Variants in SENP6 observed in about 807,000 individuals in gnomAD.
SENP6 encodes SUMO specific peptidase 6, also known as sentrin-specific protease 6.
Under a neutral mutation model 134.5 loss-of-function variants are expected in SENP6, and 41 were observed. That is an observed-to-expected ratio of 0.30 (90% CI 0.24 to 0.40). The LOEUF is 0.40. Ranked by LOEUF, SENP6 falls within the 10% of genes least tolerant of loss-of-function variation. The pLI is 1.00. For synonymous variants in SENP6, 395 were observed against 429.8 expected (o/e 0.92, Z 1.00); for missense variants, 1,248 against 1,312.5 (o/e 0.95, Z 0.76).
chr6:75,698,586 C>G (rs1392294248), intron 18 of SENP6, among the ~76,000 whole-genome samples: 1 of 152,178 alleles, frequency 6.6e-6, no homozygotes, highest in African/African-American at 2.4e-5. Context: ...CCCCCAACCT[C>G]AGCCTCCCAA....
chr6:75,650,202 T>C (rs1375287344), intron 7 of SENP6, among the ~76,000 whole-genome samples: 6 of 152,200 alleles, frequency 3.9e-5, no homozygotes, highest in African/African-American at 1.4e-4. Context: ...GAAATGATGT[T>C]GTGGCATTCT....
At chr6:75,676,881 G>C (rs2149878649) in intron 13 of SENP6, 149 bp from the exon 14 acceptor site, 2 of 565,466 alleles carry the variant, frequency 3.5e-6, no homozygotes, top group East Asian at 2.9e-5. Context: ...AGTGATTGTT[G>C]TGTATCCACT....
At chr6:75,676,946 G>A in intron 13 of SENP6, 84 bp from the exon 14 acceptor site, 1 of 701,664 alleles carries the variant, frequency 1.4e-6, no homozygotes, top group South Asian at 2.1e-5. Context: ...TATCCTCCTG[G>A]AAAGAATTAA....
At position 75,621,514 on chromosome 6, in the gene SENP6, A is replaced by G. The variant is rs768115355; in HGVS notation, c.53-18A>G. The G allele has an allele frequency of 1.4e-6, 2 of 1,408,854 alleles. No individual in the cohort carries two copies. Among genetic ancestry groups the G allele is most frequent in the Admixed American group, 1.7e-5 (1 of 58,356 alleles). The allele number at this position is 1,408,854 out of a possible 1,614,324, so 87.3% of individuals were successfully genotyped here. A position where few individuals can be genotyped will look rare whatever the true frequency, so the allele number is the denominator to read the frequency against. The stretch of plus-strand genomic sequence containing the variant: ...AGCTCTATTAATGAATACTTACTGC[A>G]GTTTGTTTTTATTTCAGCTTTGGCT... On this transcript the variant is annotated intron_variant, in intron 1 of 23. Transcript: ENST00000447266.
At chr6:75,642,922 A>C (rs1006632311) in intron 6 of SENP6, among the ~76,000 whole-genome samples, 3 of 152,212 alleles carry the variant, frequency 2.0e-5, no homozygotes, top group Non-Finnish European at 4.4e-5. Context: ...AGACAGAGGT[A>C]AAACCAATCT....
intron 23 of SENP6, 111 bp downstream of exon 23, chr6:75,713,936 G>A: frequency 1.1e-6 from 1 of 875,050 alleles, no homozygotes; most frequent in Non-Finnish European, 1.7e-6. Context: ...CAAAATTATT[G>A]TTTCAAAAAT....
chr6:75,640,682 A>G lies in SENP6; in HGVS notation c.459-2A>G. ...TATTTTTTTTCTTTTTCATGTTTTA[A>G]GCAGTCTGGACCGAAAAGAAAGGTA... On this transcript the variant is annotated splice_acceptor_variant, in intron 5 of 23. Coordinates refer to ENST00000447266, the MANE Select transcript of SENP6 (RefSeq NM_015571.4). LOFTEE classifies it high-confidence loss of function. The G allele has an allele frequency of 6.5e-7, 1 of 1,530,742 alleles. No homozygotes were observed. The highest frequency in any genetic ancestry group is 1.7e-4 in the Middle Eastern group (1 of 5,764). The allele number at this position is 1,530,742 out of a possible 1,614,324, so 94.8% of individuals were successfully genotyped here.
chr6:75,602,441 T>G lies in SENP6; in HGVS notation c.-84T>G. The G allele has an allele frequency of 6.7e-7, 1 of 1,486,222 alleles. No homozygotes were observed. The highest frequency in any genetic ancestry group is 9.1e-7 in the Non-Finnish European group (1 of 1,093,224). 92.1% of individuals were successfully genotyped at this position (1,486,222 alleles called of 1,614,324 possible). ...GCCCGCAACCCTGCGGCGTCTACCC[T>G]CCTCCGGCGCGGCCCCTCATCCCGG... On this transcript the variant is annotated 5_prime_UTR_variant, in exon 1 of 24. Transcript: ENST00000447266.
intron 1 of SENP6, among the ~76,000 whole-genome samples, chr6:75,602,929 C>G (rs542664073): frequency 6.6e-6 from 1 of 152,158 alleles, no homozygotes; most frequent in East Asian, 1.9e-4. Context: ...GTCTGGTGTT[C>G]ATGAAAAGTT....
intron 1 of SENP6, among the ~76,000 whole-genome samples, chr6:75,613,715 C>G (rs916911538): frequency 6.6e-5 from 10 of 151,712 alleles, no homozygotes; most frequent in African/African-American, 2.4e-4. Context: ...GCTCATTTAA[C>G]CGTAATTACT....
intron 16 of SENP6, among the ~76,000 whole-genome samples, chr6:75,687,816 C>T (rs1419565959): frequency 6.6e-6 from 1 of 152,198 alleles, no homozygotes; most frequent in Non-Finnish European, 1.5e-5. Flanking sequence ...CTGTCGGCCC[C>T]TACTGGGAGG....
chr6:75,616,092 C>A (rs1330940800), intron 1 of SENP6, among the ~76,000 whole-genome samples: 1 of 152,138 alleles, frequency 6.6e-6, no homozygotes, highest in Non-Finnish European at 1.5e-5. Context: ...TTTTCTTCCT[C>A]TTTCCATTAT....
chr6:75,630,238 T>G (rs1769006936), intron 3 of SENP6, among the ~76,000 whole-genome samples: 1 of 151,848 alleles, frequency 6.6e-6, no homozygotes. Flanking sequence ...CCCGGCAAAT[T>G]TTTGTATTTT....
intron 1 of SENP6, among the ~76,000 whole-genome samples, chr6:75,613,716 C>T (rs908743659): frequency 4.6e-5 from 7 of 151,412 alleles, no homozygotes; most frequent in Non-Finnish European, 8.8e-5. Context: ...CTCATTTAAC[C>T]GTAATTACTT....
chr6:75,664,022 C>T (rs1392628276), intron 9 of SENP6, among the ~76,000 whole-genome samples: 2 of 151,718 alleles, frequency 1.3e-5, no homozygotes, highest in East Asian at 1.9e-4. Context: ...GAGTATACAG[C>T]GTGTATACTC....
rs562997521 is a variant in SENP6, at chr6:75,675,760, G to T, written c.1427-100G>T. 35 of 1,058,064 alleles carry T rather than the reference G, an allele frequency of 3.3e-5. 1 individual carries two copies. In the South Asian group the frequency reaches 3.9e-4, roughly 12 times the overall value. The allele number at this position is 1,058,064 out of a possible 1,614,324, so 65.5% of individuals were successfully genotyped here. A position where few individuals can be genotyped will look rare whatever the true frequency, so the allele number is the denominator to read the frequency against. ...ATGATTTATAGAGCATAATAAATAT[G>T]TGCTTACATTTACTTAAACTTGTAT... On this transcript the variant is annotated intron_variant, in intron 12 of 23. Transcript: ENST00000447266.
In SENP6 at chr6:75,686,493, A is replaced by T. The variant is rs1377789879; in HGVS notation, c.2075+7566A>T. 2.0e-5 allele frequency among the ~76,000 whole-genome samples: 3 copies of T among 152,284 alleles called. No homozygotes were observed. The South Asian group carries it at 6.2e-4, about 32-fold the overall frequency. On this transcript the variant is annotated intron_variant, in intron 16 of 23. Transcript: ENST00000447266. ...TTGATGCAGTTTCTTCATAGCATCG[A>T]TGGTCTTTACAATTTGGCCTGTTTT...
chr6:75,617,025 A>G (rs1276992914), intron 1 of SENP6, among the ~76,000 whole-genome samples: 1 of 151,676 alleles, frequency 6.6e-6, no homozygotes, highest in African/African-American at 2.4e-5. Flanking sequence ...ACAGGCACGC[A>G]CCACCATGCC....
chr6:75,675,683 A>C, intron 12 of SENP6, 177 bp from the exon 13 acceptor site: 2 of 800,370 alleles, frequency 2.5e-6, no homozygotes, highest in Non-Finnish European at 4.0e-6. Context: ...GAAAAAATAA[A>C]AAAGTTTCTT....
Sources: allele counts gnomAD v4.1 joint callset (sites outside exome capture counted in the v4.1 genomes callset), GRCh38; gene constraint gnomAD v4.1.1; transcripts MANE v1.5; gene names NCBI Gene and HGNC (gene_info 2026-07-23, HGNC 2026-07-21).